The following AKT3 variants were observed in gnomAD, a reference collection of about 807,000 sequenced individuals.
The protein encoded by AKT3 is RAC-gamma serine/threonine-protein kinase.
A neutral mutation model predicts 65.3 loss-of-function variants in AKT3; 15 were observed. That is an observed-to-expected ratio of 0.23 (90% confidence interval 0.15 to 0.35). AKT3 has a LOEUF of 0.35. Among genes scored for constraint, AKT3 ranks in the 10% least tolerant of loss-of-function variants. AKT3 has a pLI of 1.00. For synonymous variants in AKT3, 206 were observed against 183.8 expected, an observed-to-expected ratio of 1.12 and a Z score of -0.98; for missense variants, 243 against 576.5, an observed-to-expected ratio of 0.42 and a Z score of 5.92.
In AKT3 at chr1:243,645,962, A is replaced by G; in HGVS notation, c.360T>C (p.Ser120=). The change falls in exon 5 of 14, where the codon AGT becomes AGC. Residue 120 remains serine (S), a synonymous_variant. Transcript: ENST00000673466. ...QRQEEERMNC[S]PTSQIDNIGE... ...CTATATTATCAATTTGTGAAGTTGG[A>G]CTACAATTCATTCTCTCCTCTTCTT... The G allele has an allele frequency of 6.2e-7, 1 of 1,612,606 alleles. No homozygotes were observed. Among genetic ancestry groups the G allele is most frequent in the Non-Finnish European group, 8.5e-7 (1 of 1,178,786 alleles).
intron 2 of AKT3, among the ~76,000 whole-genome samples, chr1:243,726,305 T>A (rs1687206632): frequency 6.6e-6 from 1 of 152,174 alleles, no homozygotes; most frequent in South Asian, 2.1e-4. Context: ...ATTCCAGTGG[T>A]GAAATCTGGA....
chr1:243,736,922 T>C (rs1687879694), intron 2 of AKT3, among the ~76,000 whole-genome samples: 1 of 152,264 alleles, frequency 6.6e-6, no homozygotes, highest in Admixed American at 6.5e-5. Context: ...AAATGAACCG[T>C]CACACACAAA....
At chr1:243,674,366 T>C (rs564501447) in intron 3 of AKT3, among the ~76,000 whole-genome samples, 1 of 152,332 alleles carries the variant, frequency 6.6e-6, no homozygotes, top group East Asian at 1.9e-4. Context: ...ATAGCATTAC[T>C]AAGAGCTGGT....
At chr1:243,532,212 C>T (rs1032339354) in intron 12 of AKT3, among the ~76,000 whole-genome samples, 1 of 152,188 alleles carries the variant, frequency 6.6e-6, no homozygotes, top group South Asian at 2.1e-4. Flanking sequence ...AACTTTCAGT[C>T]TTTCACCATT....
chr1:243,499,196 A>AAGAG (rs1248205691), downstream of AKT3, among the ~76,000 whole-genome samples: 1 of 152,232 alleles, frequency 6.6e-6, no homozygotes, highest in Non-Finnish European at 1.5e-5. Context: ...GCGTAAAACT[A>AAGAG]AGAGACCTCA....
chr1:243,832,736 C>T (rs1247794884), intron 2 of AKT3, among the ~76,000 whole-genome samples: 1 of 151,980 alleles, frequency 6.6e-6, no homozygotes, highest in Non-Finnish European at 1.5e-5. Context: ...TTCAGAGCTG[C>T]CAAAATAGCT....
intron 2 of AKT3, among the ~76,000 whole-genome samples, chr1:243,713,615 A>T (rs1372314338): frequency 6.6e-6 from 1 of 151,916 alleles, no homozygotes; most frequent in Admixed American, 6.6e-5. Context: ...CAAGTCAACA[A>T]TCGGCATCAA....
intron 6 of AKT3, among the ~76,000 whole-genome samples, chr1:243,620,990 C>A (rs934167628): frequency 6.6e-5 from 10 of 152,144 alleles, no homozygotes; most frequent in Non-Finnish European, 1.3e-4. Flanking sequence ...TTGACTAACA[C>A]CATTGGAATC....
chr1:243,489,366 G>A (rs1287344280), intron 13 of AKT3, among the ~76,000 whole-genome samples: 1 of 152,218 alleles, frequency 6.6e-6, no homozygotes, highest in Admixed American at 6.5e-5. Flanking sequence ...ACAGACCCCG[G>A]CCCGCGAATC....
intron 2 of AKT3, among the ~76,000 whole-genome samples, chr1:243,829,578 G>A (rs889853176): frequency 2.6e-5 from 4 of 152,054 alleles, no homozygotes; most frequent in African/African-American, 7.2e-5. Flanking sequence ...TTTAAGGATA[G>A]GCCTCATATT....
chr1:243,640,648 A>G (rs1419466888), intron 5 of AKT3, among the ~76,000 whole-genome samples: 1 of 152,140 alleles, frequency 6.6e-6, no homozygotes, highest in Non-Finnish European at 1.5e-5. Flanking sequence ...AGGAGAACCA[A>G]GACACCATAG....
intron 10 of AKT3, among the ~76,000 whole-genome samples, chr1:243,554,987 A>C (rs527996822): frequency 6.6e-6 from 1 of 152,296 alleles, no homozygotes; most frequent in South Asian, 2.1e-4. Context: ...CAACTGAAAA[A>C]TAAAACTGCA....
intron 2 of AKT3, among the ~76,000 whole-genome samples, chr1:243,770,362 A>T (rs1690100466): frequency 6.6e-6 from 1 of 152,194 alleles, no homozygotes; most frequent in Non-Finnish European, 1.5e-5. Flanking sequence ...AAGAGAGGTT[A>T]ACTGACTAAC....
intron 4 of AKT3, among the ~76,000 whole-genome samples, chr1:243,650,753 T>C (rs1450123049): frequency 2.0e-5 from 3 of 152,200 alleles, no homozygotes; most frequent in Non-Finnish European, 4.4e-5. Context: ...TTCTGTTCCA[T>C]TGGTCTGTAT....
At chr1:243,512,108 C>T (rs1243262516) in intron 13 of AKT3, among the ~76,000 whole-genome samples, 2 of 152,134 alleles carry the variant, frequency 1.3e-5, no homozygotes, top group African/African-American at 4.8e-5. Context: ...TTTGTCCTAC[C>T]CAGAAAAGCA....
chr1:243,758,113 G>C lies in AKT3; in HGVS notation c.47-62397C>G, dbSNP rs544609912. 4.7e-4 allele frequency among the ~76,000 whole-genome samples: 71 copies of C among 152,302 alleles called. 2 individuals carry two copies. The South Asian group carries it at 0.014, about 31-fold the overall frequency. ...AATAGGTTATGGTAATAAATTTCAT[G>C]CATTTGTTATTCACTTGACAAATAT... On this transcript the variant is annotated intron_variant, in intron 2 of 13. Coordinates refer to ENST00000673466, the MANE Select transcript of AKT3 (RefSeq NM_005465.7).
chr1:243,846,655 T>C (rs979668203), intron 1 of AKT3, among the ~76,000 whole-genome samples: 3 of 152,176 alleles, frequency 2.0e-5, no homozygotes, highest in African/African-American at 7.2e-5. Flanking sequence ...ATTTGGCATT[T>C]TAAACAAATG....
At chr1:243,572,448 C>A (rs1574630916) in intron 9 of AKT3, among the ~76,000 whole-genome samples, 1 of 152,060 alleles carries the variant, frequency 6.6e-6, no homozygotes, top group Admixed American at 6.6e-5. Flanking sequence ...AACACTATTA[C>A]CAACAGAAAA....
rs1183662745 is a variant in AKT3, at chr1:243,843,255, C to T, written c.-85G>A. 4 of 1,543,450 alleles carry T rather than the reference C, an allele frequency of 2.6e-6. No homozygotes were observed. The highest frequency in any genetic ancestry group is 3.5e-6 in the Non-Finnish European group (4 of 1,140,112). On this transcript the variant is annotated 5_prime_UTR_variant, in exon 2 of 14. Coordinates refer to ENST00000673466, the MANE Select transcript of AKT3 (RefSeq NM_005465.7). ...GGTTTGGATTCTCTGCTGCTGCTGCCCTTCCCACTCTCTAGTGATGACTCA... is the reference window on the plus strand; with the variant it reads ...GGTTTGGATTCTCTGCTGCTGCTGCTCTTCCCACTCTCTAGTGATGACTCA...
Sources: gnomAD v4.1 joint callset for allele counts (sites outside exome capture counted in the v4.1 genomes callset) on GRCh38, gnomAD v4.1.1 for gene constraint, MANE v1.5 for transcripts, NCBI Gene and HGNC (gene_info 2026-07-23, HGNC 2026-07-21) for gene names.